Variants in EXOC6B observed in about 807,000 individuals in gnomAD.
The protein encoded by EXOC6B is SEC15 homolog B.
A neutral mutation model predicts 113.5 loss-of-function variants in EXOC6B; 54 were observed. The observed-to-expected ratio is 0.48, with a 90% CI of 0.38 to 0.60. EXOC6B has a LOEUF of 0.60. EXOC6B is among the 20% of genes least tolerant of loss of function. EXOC6B has a pLI of 0.00. For missense variants in EXOC6B, 797 were observed against 977.5 expected, an observed-to-expected ratio of 0.82 and a Z score of 2.46; for synonymous variants, 357 against 339.0, an observed-to-expected ratio of 1.05 and a Z score of -0.58.
At chr2:72,651,429 A>G (rs1222971845) in intron 6 of EXOC6B, among the ~76,000 whole-genome samples, 1 of 152,224 alleles carries the variant, frequency 6.6e-6, no homozygotes, top group African/African-American at 2.4e-5. Flanking sequence ...TTGACCTTTG[A>G]AAAGACACCT....
chr2:72,633,520 G>A (rs1672624138), intron 6 of EXOC6B, among the ~76,000 whole-genome samples: 1 of 152,084 alleles, frequency 6.6e-6, no homozygotes, highest in Non-Finnish European at 1.5e-5. Flanking sequence ...AAACAAAATG[G>A]ACTCTGGTCC....
chr2:72,183,955 G>T (rs1678253350), intron 21 of EXOC6B, 120 bp downstream of exon 21: 1 of 578,762 alleles, frequency 1.7e-6, no homozygotes, highest in African/African-American at 1.9e-5. Flanking sequence ...CAGGGCCTAT[G>T]GCAACTTCCA....
intron 20 of EXOC6B, among the ~76,000 whole-genome samples, chr2:72,193,674 GAGCC>G (rs1290503606): frequency 6.6e-6 from 1 of 152,164 alleles, no homozygotes; most frequent in Non-Finnish European, 1.5e-5. Flanking sequence ...ATCTAAGCCT[GAGCC>G]AGGTAGGTGG....
intron 6 of EXOC6B, among the ~76,000 whole-genome samples, chr2:72,645,419 T>C (rs1027834288): frequency 1.3e-5 from 2 of 152,166 alleles, no homozygotes; most frequent in Non-Finnish European, 2.9e-5. Context: ...GGAATTGAAC[T>C]CAGCTCTGCA....
chr2:72,260,675 A>G (rs1683660635), intron 20 of EXOC6B, among the ~76,000 whole-genome samples: 1 of 152,178 alleles, frequency 6.6e-6, no homozygotes, highest in South Asian at 2.1e-4. Flanking sequence ...AAGAGAACAG[A>G]GAAGATTTTG....
intron 1 of EXOC6B, among the ~76,000 whole-genome samples, chr2:72,791,257 G>GC (rs1184900966): frequency 2.0e-5 from 3 of 152,110 alleles, no homozygotes; most frequent in African/African-American, 7.2e-5. Context: ...TGTACACTTT[G>GC]CCAGGTGTGG....
chr2:72,770,619 T>C (rs907020360), intron 1 of EXOC6B, among the ~76,000 whole-genome samples: 1 of 152,184 alleles, frequency 6.6e-6, no homozygotes, highest in Admixed American at 6.5e-5. Flanking sequence ...TGACAACAAA[T>C]AGTTTTTAGA....
chr2:72,407,974 T>C (rs1242954447), intron 18 of EXOC6B, among the ~76,000 whole-genome samples: 1 of 152,190 alleles, frequency 6.6e-6, no homozygotes, highest in Non-Finnish European at 1.5e-5. Flanking sequence ...CCCCATCGTC[T>C]CAGCCCAAAA....
At position 72,276,094 on chromosome 2, in the gene EXOC6B, C is replaced by T. The variant is rs1257492191; in HGVS notation, c.2196+58853G>A. 4.6e-5 allele frequency among the ~76,000 whole-genome samples: 7 copies of T among 152,188 alleles called. No homozygotes were observed. The South Asian group carries it at 8.3e-4, about 18-fold the overall frequency. On this transcript the variant is annotated intron_variant, in intron 20 of 21. Transcript: ENST00000272427. ...GAAAAGGGAAGGAGAGACACAACAC[C>T]TGACCTCTGGAGTGTTTTGAGGGGT...
chr2:72,482,372 T>C (rs1699153781), intron 16 of EXOC6B, among the ~76,000 whole-genome samples: 1 of 152,166 alleles, frequency 6.6e-6, no homozygotes, highest in South Asian at 2.1e-4. Flanking sequence ...CTTTTCTACA[T>C]CTTTACTTTC....
Position 72,177,145 on chromosome 2 carries a change from T to C in EXOC6B, c.*2190A>G, listed in dbSNP as rs1221033981. On this transcript the variant is annotated 3_prime_UTR_variant, in exon 22 of 22. Coordinates refer to ENST00000272427, the MANE Select transcript of EXOC6B (RefSeq NM_015189.3). Reference sequence around the variant, plus strand: ...TATCAAAGGGTCCATCTTTATGTCTTGAGCTTGAATAAGCTTTTCCTTTCA... The same window carrying C: ...TATCAAAGGGTCCATCTTTATGTCTCGAGCTTGAATAAGCTTTTCCTTTCA... 1 of 152,230 alleles carries C rather than the reference T, an allele frequency of 6.6e-6. No individual in the cohort carries two copies. Among genetic ancestry groups the C allele is most frequent in the Non-Finnish European group, 1.5e-5 (1 of 68,054 alleles). 9.4% of individuals were successfully genotyped at this position (152,230 alleles called of 1,614,324 possible). A position where few individuals can be genotyped will look rare whatever the true frequency, so the allele number is the denominator to read the frequency against.
At chr2:72,227,573 T>G (rs1005825067) in intron 20 of EXOC6B, among the ~76,000 whole-genome samples, 4 of 152,170 alleles carry the variant, frequency 2.6e-5, no homozygotes, top group Non-Finnish European at 5.9e-5. Context: ...TTAGTAAAAA[T>G]GTAGTAGATT....
chr2:72,743,014 T>C (rs754929858), intron 1 of EXOC6B, among the ~76,000 whole-genome samples: 4 of 152,038 alleles, frequency 2.6e-5, no homozygotes, highest in Non-Finnish European at 5.9e-5. Flanking sequence ...CGCCTACCCA[T>C]CCCATCACAG....
chr2:72,489,708 C>T (rs1282359884), intron 16 of EXOC6B, among the ~76,000 whole-genome samples: 1 of 152,166 alleles, frequency 6.6e-6, no homozygotes, highest in African/African-American at 2.4e-5. Flanking sequence ...TACTCAATTA[C>T]ACTTTTCATA....
At chr2:72,715,528 G>A (rs1283510502) in intron 6 of EXOC6B, among the ~76,000 whole-genome samples, 1 of 151,070 alleles carries the variant, frequency 6.6e-6, no homozygotes, top group African/African-American at 2.4e-5. Context: ...CGTGCAGCTA[G>A]GAGCTCAAGA....
chr2:72,513,599 A>T (rs182456603), intron 10 of EXOC6B, among the ~76,000 whole-genome samples: 1 of 151,970 alleles, frequency 6.6e-6, no homozygotes, highest in Non-Finnish European at 1.5e-5. Flanking sequence ...CCATCAATGC[A>T]TTTCAAAAAA....
intron 18 of EXOC6B, among the ~76,000 whole-genome samples, chr2:72,380,829 C>G (rs891868011): frequency 1.3e-5 from 2 of 152,040 alleles, no homozygotes; most frequent in African/African-American, 4.8e-5. Flanking sequence ...ATTCAAAGTA[C>G]TCTACATTTA....
chr2:72,537,044 A>G (rs1303385068), intron 8 of EXOC6B, among the ~76,000 whole-genome samples: 3 of 152,220 alleles, frequency 2.0e-5, no homozygotes, highest in African/African-American at 7.2e-5. Flanking sequence ...AAGTTTCTTC[A>G]TGGATATAAT....
At chr2:72,277,744 T>A (rs2420442) in intron 20 of EXOC6B, among the ~76,000 whole-genome samples, 3 of 151,838 alleles carry the variant, frequency 2.0e-5, no homozygotes, top group African/African-American at 4.8e-5. Flanking sequence ...TCCTACTGCC[T>A]CAGCCTCCCA....
Sources: gnomAD v4.1 joint callset for allele counts (sites outside exome capture counted in the v4.1 genomes callset) on GRCh38, gnomAD v4.1.1 for gene constraint, MANE v1.5 for transcripts, NCBI Gene and HGNC (gene_info 2026-07-23, HGNC 2026-07-21) for gene names.